ABCC4: variants seen among roughly 807,000 people sequenced by gnomAD.
The protein encoded by ABCC4 is ATP-binding cassette sub-family C member 4.
In ABCC4, 102 loss-of-function variants were observed where a neutral mutation model predicts 168.5. The ratio of observed to expected loss-of-function variants is 0.61; its 90% CI spans 0.52 to 0.71. The LOEUF (loss-of-function observed/expected upper bound fraction) is 0.71. Ranked by LOEUF, ABCC4 falls within the 30% of genes least tolerant of loss-of-function variation. ABCC4 has a pLI of 0.00. For missense variants in ABCC4, 1,402 were observed against 1,605.8 expected, an observed-to-expected ratio of 0.87 and a Z score of 2.17; for synonymous variants, 617 against 590.7, an observed-to-expected ratio of 1.04 and a Z score of -0.65.
In ABCC4 at chr13:95,206,542, C is replaced by T. The variant is rs763493372; in HGVS notation, c.1151G>A (p.Arg384Gln). 45 of 1,613,682 alleles carry T rather than the reference C, an allele frequency of 2.8e-5. 1 individual carries two copies. The Middle Eastern group carries it at 5.0e-4, about 18-fold the overall frequency. ...ERVSEAIVSI[R>Q]RIQTFLLLDE... Reference sequence around the variant, plus strand: ...GCATCTGACACCAACCTGGATTCTTCGGATGCTGACGATTGCCTCTGACAC... The same window carrying T: ...GCATCTGACACCAACCTGGATTCTTTGGATGCTGACGATTGCCTCTGACAC... The change falls in exon 8 of 31, where the codon CGA becomes CAA. Residue 384 changes from arginine to glutamine, a missense_variant. By Grantham distance (43) the Arg-to-Gln change is conservative. This residue lies in a region of ABCC4 where 78 missense variants were observed against 133.0 expected (regional missense o/e 0.59). Transcript: ENST00000645237.
chr13:95,032,744 A>T (rs1444019728), intron 30 of ABCC4, among the ~76,000 whole-genome samples: 1 of 151,640 alleles, frequency 6.6e-6, no homozygotes, highest in East Asian at 1.9e-4. Context: ...GCTCACTGCA[A>T]CCTCCGCCTC....
At chr13:95,066,793 C>T (rs921724621) in intron 25 of ABCC4, among the ~76,000 whole-genome samples, 2 of 152,228 alleles carry the variant, frequency 1.3e-5, no homozygotes, top group African/African-American at 4.8e-5. Flanking sequence ...GATAGCCTGG[C>T]TCTGTATTCC....
At chr13:95,204,967 T>C (rs903938092) in intron 8 of ABCC4, among the ~76,000 whole-genome samples, 1 of 152,186 alleles carries the variant, frequency 6.6e-6, no homozygotes, top group Non-Finnish European at 1.5e-5. Flanking sequence ...AATACACATG[T>C]GGCCCTTCCG....
chr13:95,048,257 A>G (rs138304890), intron 27 of ABCC4, among the ~76,000 whole-genome samples: 764 of 152,350 alleles, frequency 5.0e-3, no homozygotes, highest in Non-Finnish European at 8.7e-3. Context: ...AAATCATACT[A>G]TTTGAAACTA....
chr13:95,061,356 T>G (rs1192470282), intron 26 of ABCC4, among the ~76,000 whole-genome samples: 1 of 152,092 alleles, frequency 6.6e-6, no homozygotes, highest in African/African-American at 2.4e-5. Flanking sequence ...TTTCTTCACA[T>G]CCTCCAAATT....
chr13:95,301,252 G>C lies in ABCC4; in HGVS notation c.63C>G (p.Arg21=). The stretch of plus-strand genomic sequence containing the variant: ...GCGGGGACACTCACCAGAAGAACAC[G>C]CGTGAGCAGAGGTTCGCGTCCTGCA... ...NPLQDANLCS[R]VFFWWLNPLF... is the part of the protein sequence containing the mutation. The change falls in exon 1 of 31, where the codon CGC becomes CGG. Residue 21 remains arginine, a synonymous_variant. Coordinates refer to ENST00000645237, the MANE Select transcript of ABCC4 (RefSeq NM_005845.5). The C allele has an allele frequency of 1.9e-6, 3 of 1,593,392 alleles. No homozygotes were observed. Among genetic ancestry groups the C allele is most frequent in the Non-Finnish European group, 1.7e-6 (2 of 1,170,744 alleles).
rs767969523 is a variant in ABCC4 at position 95,021,200 on chromosome 13, A to G, written c.*375T>C. 2 of 165,962 alleles carry G rather than the reference A, an allele frequency of 1.2e-5. No individual in the cohort carries two copies. The highest frequency in any genetic ancestry group is 2.6e-5 in the Non-Finnish European group (2 of 77,330). The allele number at this position is 165,962 out of a possible 1,614,324, so 10.3% of individuals were successfully genotyped here. A position where few individuals can be genotyped will look rare whatever the true frequency, so the allele number is the denominator to read the frequency against. ...TCTTCAAGTAAATAGAATCCCTGAT[A>G]TAAATGGAAATTAACATGTAATTTT... On this transcript the variant is annotated 3_prime_UTR_variant, in exon 31 of 31. Coordinates refer to ENST00000645237, the MANE Select transcript of ABCC4 (RefSeq NM_005845.5).
intron 5 of ABCC4, among the ~76,000 whole-genome samples, chr13:95,210,013 C>T (rs1461822654): frequency 6.6e-6 from 1 of 152,218 alleles, no homozygotes; most frequent in Non-Finnish European, 1.5e-5. Context: ...AGGCAGTGAG[C>T]TTCTTCAGAA....
At chr13:95,250,511 A>C (rs2040226543) in intron 1 of ABCC4, among the ~76,000 whole-genome samples, 2 of 152,310 alleles carry the variant, frequency 1.3e-5, no homozygotes, top group South Asian at 4.1e-4. Context: ...GCAATGATCT[A>C]GGGTAAAATT....
chr13:95,039,976 G>A (rs1053476084), intron 29 of ABCC4, among the ~76,000 whole-genome samples: 4 of 152,092 alleles, frequency 2.6e-5, no homozygotes, highest in African/African-American at 9.7e-5. Context: ...GTCGTTTCTG[G>A]GCCACCATGA....
intron 1 of ABCC4, among the ~76,000 whole-genome samples, chr13:95,297,202 C>T (rs7324540): frequency 0.12 from 18,162 of 145,694 alleles, 1,291 homozygotes; most frequent in Middle Eastern, 0.19. Flanking sequence ...ACCCTGGAGG[C>T]GGAGGTTGCA....
intron 30 of ABCC4, among the ~76,000 whole-genome samples, chr13:95,022,196 A>G (rs2031129605): frequency 6.6e-6 from 1 of 152,236 alleles, no homozygotes; most frequent in African/African-American, 2.4e-5. Flanking sequence ...GCGGCAAAGC[A>G]GTTATAGGGC....
intron 1 of ABCC4, among the ~76,000 whole-genome samples, chr13:95,278,260 A>T (rs932944229): frequency 6.6e-6 from 1 of 152,192 alleles, no homozygotes; most frequent in Non-Finnish European, 1.5e-5. Context: ...GAGGGCCCGT[A>T]TACCTTATGT....
chr13:95,036,655 G>A (rs1329620078), intron 29 of ABCC4, among the ~76,000 whole-genome samples: 1 of 152,122 alleles, frequency 6.6e-6, no homozygotes, highest in Non-Finnish European at 1.5e-5. Context: ...TGTTAGGAGA[G>A]TTTTTGAGTT....
At chr13:95,268,417 C>G (rs117249875) in intron 1 of ABCC4, among the ~76,000 whole-genome samples, 3,563 of 152,148 alleles carry the variant, frequency 0.023, 90 homozygotes, top group East Asian at 0.085. Context: ...AAGACCTGAC[C>G]GTACCCCTGC....
intron 19 of ABCC4, among the ~76,000 whole-genome samples, chr13:95,135,483 G>A (rs892411595): frequency 6.7e-6 from 1 of 149,002 alleles, no homozygotes; most frequent in Admixed American, 6.8e-5. Context: ...TGCAATCACA[G>A]CTCACTGTAG....
chr13:95,280,839 C>T (rs1371443994), intron 1 of ABCC4, among the ~76,000 whole-genome samples: 1 of 152,050 alleles, frequency 6.6e-6, no homozygotes, highest in African/African-American at 2.4e-5. Context: ...GACCAAAATC[C>T]ACTCGAGAGA....
intron 1 of ABCC4, among the ~76,000 whole-genome samples, chr13:95,254,284 T>G: frequency 6.6e-6 from 1 of 152,204 alleles, no homozygotes; most frequent in Admixed American, 6.5e-5. Flanking sequence ...TATATGTTTT[T>G]TCTAAATCTA....
chr13:95,256,173 T>C (rs936768264), intron 1 of ABCC4, among the ~76,000 whole-genome samples: 4 of 152,160 alleles, frequency 2.6e-5, no homozygotes, highest in African/African-American at 9.7e-5. Context: ...TCATTGAAAC[T>C]CCTGGGCTCA....
Sources: allele counts gnomAD v4.1 joint callset (sites outside exome capture counted in the v4.1 genomes callset), GRCh38; gene constraint gnomAD v4.1.1; regional missense constraint gnomAD v4.1.1; transcripts MANE v1.5; gene names NCBI Gene and HGNC (gene_info 2026-07-23, HGNC 2026-07-21).